Variants in BCL11B observed in about 807,000 individuals in gnomAD.
BCL11B encodes BCL11 transcription factor B.
In BCL11B, 8 loss-of-function variants were observed where a neutral mutation model predicts 49.9. That is an observed-to-expected ratio of 0.16 (90% CI 0.09 to 0.29). The LOEUF is 0.29. Ranked by LOEUF, BCL11B falls within the 10% of genes least tolerant of loss-of-function variation. BCL11B has a pLI of 1.00. For synonymous variants in BCL11B, 739 were observed against 637.4 expected, an observed-to-expected ratio of 1.16 and a Z score of -2.40; for missense variants, 1,006 against 1,351.0, an observed-to-expected ratio of 0.74 and a Z score of 4.00.
In BCL11B at chr14:99,191,955, G is replaced by A. The variant is rs568997049; in HGVS notation, c.641-15760C>T. On this transcript the variant is annotated intron_variant, in intron 3 of 3. Transcript: ENST00000357195. ...ACACTTATGTGGGGTGACGGGGGGA[G>A]GAGGATGACCACGCAAGCTTAAGTG... Among the ~76,000 whole-genome samples the A allele has an allele frequency of 1.3e-5, 2 of 152,180 alleles. 1 individual carries two copies. Among genetic ancestry groups the A allele is most frequent in the South Asian group, 4.1e-4 (2 of 4,832 alleles).
In BCL11B at chr14:99,257,018, C is replaced by T. The variant is rs1415743411; in HGVS notation, c.427+453G>A. Among the ~76,000 whole-genome samples the T allele has an allele frequency of 2.0e-5, 3 of 152,190 alleles. No individual in the cohort carries two copies. Among genetic ancestry groups the T allele is most frequent in the African/African-American group, 7.2e-5 (3 of 41,452 alleles). ...GTCATGCCGCATGCAACAGCTCATT[C>T]GTCCTCACAGCAACCCTAATGAGGT... On this transcript the variant is annotated intron_variant, in intron 2 of 3. Coordinates refer to ENST00000357195, the MANE Select transcript of BCL11B (RefSeq NM_138576.4). This position sits in a 1 kb window ranked among gnomAD's most constrained non-coding sequence, Gnocchi z 6.2.
At chr14:99,225,058 C>T (rs566531892) in intron 3 of BCL11B, among the ~76,000 whole-genome samples, 2 of 152,320 alleles carry the variant, frequency 1.3e-5, no homozygotes, top group African/African-American at 4.8e-5. Flanking sequence ...AACATCAGAG[C>T]TCTACCTGCT....
intron 2 of BCL11B, among the ~76,000 whole-genome samples, chr14:99,250,274 A>AT (rs1226026208): frequency 6.6e-6 from 1 of 151,588 alleles, no homozygotes; most frequent in African/African-American, 2.4e-5. Flanking sequence ...TGACCTCATG[A>AT]TCCCCCCGCC....
chr14:99,262,112 G>A lies in BCL11B; in HGVS notation c.59-4273C>T, dbSNP rs116095402. 2.0e-3 allele frequency among the ~76,000 whole-genome samples: 304 copies of A among 152,278 alleles called. 1 individual carries two copies. Among genetic ancestry groups the A allele is most frequent in the African/African-American group, 7.0e-3 (290 of 41,550 alleles). ...CAGAAGAAAGAAATGGAAAGACATC[G>A]TTAACACAGGCCCAGCCAAGCAGCC... is the stretch of plus-strand genomic sequence containing the variant. On this transcript the variant is annotated intron_variant, in intron 1 of 3. Transcript: ENST00000357195. This position sits in a 1 kb window ranked among gnomAD's most constrained non-coding sequence, Gnocchi z 4.2.
chr14:99,257,790 C>T lies in BCL11B; in HGVS notation c.108G>A (p.Leu36=). 1.3e-6 allele frequency: 2 copies of T among 1,577,554 alleles called. No individual in the cohort carries two copies. The highest frequency in any genetic ancestry group is 1.7e-6 in the Non-Finnish European group (2 of 1,159,504). Residue 36 remains leucine (L), a synonymous_variant, in exon 2 of 4, where the codon CTG becomes CTA. Coordinates refer to ENST00000357195, the MANE Select transcript of BCL11B (RefSeq NM_138576.4). This position sits in a 1 kb window ranked among gnomAD's most constrained non-coding sequence, Gnocchi z 6.2. The part of the protein sequence containing the change: ...EAAILEEDEG[L]EIEEPSGLGL... ...CCAGGCCACTTGGCTCCTCTATCTC[C>T]AGACCCTCGTCTTCTTCGAGGATGG... is the stretch of plus-strand genomic sequence containing the variant.
Position 99,205,461 on chromosome 14 carries a change from G to A in BCL11B, c.640+25884C>T, listed in dbSNP as rs1184229615. Reference sequence around the variant, plus strand: ...ACTTCTACAATGACTGGTTAAATGCGCCCAAGGACCAGGCGCTCGCTACAC... The same window carrying A: ...ACTTCTACAATGACTGGTTAAATGCACCCAAGGACCAGGCGCTCGCTACAC... On this transcript the variant is annotated intron_variant, in intron 3 of 3. Transcript: ENST00000357195. The surrounding 1 kb of genome is among the most constrained non-coding windows in gnomAD (Gnocchi z 5.0). Among the ~76,000 whole-genome samples, 5 of 152,130 alleles carry A rather than the reference G, an allele frequency of 3.3e-5. No individual in the cohort carries two copies. The highest frequency in any genetic ancestry group is 1.3e-4 in the Admixed American group (2 of 15,280).
chr14:99,246,069 G>A (rs111362020), intron 2 of BCL11B, among the ~76,000 whole-genome samples: 5,951 of 147,594 alleles, frequency 0.04, 177 homozygotes, highest in Middle Eastern at 0.11. Context: ...CATGCCCCCC[G>A]CCCCCCAAAG....
chr14:99,200,855 G>A (rs1454586189), intron 3 of BCL11B, among the ~76,000 whole-genome samples: 2 of 152,200 alleles, frequency 1.3e-5, no homozygotes, highest in Non-Finnish European at 2.9e-5. Context: ...GCCTGGCACA[G>A]AGCAGCCCCT....
intron 3 of BCL11B, among the ~76,000 whole-genome samples, chr14:99,219,672 A>T (rs1056523443): frequency 1.3e-5 from 2 of 152,132 alleles, no homozygotes; most frequent in Non-Finnish European, 2.9e-5. Context: ...TCCTTCTGCT[A>T]AGTCACACTC....
intron 1 of BCL11B, among the ~76,000 whole-genome samples, chr14:99,269,658 ATATT>A (rs562739993): frequency 2.0e-5 from 3 of 151,230 alleles, no homozygotes; most frequent in Non-Finnish European, 4.4e-5. Context: ...ACCACTTTAT[ATATT>A]TATTTATTTA....
chr14:99,214,955 G>A (rs1887790353), intron 3 of BCL11B, among the ~76,000 whole-genome samples: 1 of 152,134 alleles, frequency 6.6e-6, no homozygotes, highest in Admixed American at 6.5e-5. Context: ...GCATGCAGGG[G>A]TGGGGGATGC....
At chr14:99,261,929 C>T (rs1310069787) in intron 1 of BCL11B, among the ~76,000 whole-genome samples, 1 of 151,986 alleles carries the variant, frequency 6.6e-6, no homozygotes, top group East Asian at 1.9e-4. Context: ...TACAACAAAA[C>T]CACATTTTAT....
intron 2 of BCL11B, among the ~76,000 whole-genome samples, chr14:99,254,774 G>A (rs942054965): frequency 1.3e-5 from 2 of 152,234 alleles, no homozygotes; most frequent in Non-Finnish European, 1.5e-5. Context: ...ACGGGTTTCC[G>A]GAAGCCTGGG....
intron 1 of BCL11B, among the ~76,000 whole-genome samples, chr14:99,264,924 G>A (rs900573378): frequency 2.0e-5 from 3 of 152,138 alleles, no homozygotes; most frequent in African/African-American, 7.2e-5. Flanking sequence ...CTTGGGGAGG[G>A]ATGGAGCAAG....
rs72252736 is a variant in BCL11B, at chr14:99,241,018, A to AT, written c.428-9462dup. The stretch of plus-strand genomic sequence containing the variant: ...GCACGCTGACTTTGATTTTGTTGTA[A>AT]TTTTTTTTTTTCCTCAGCTGTCTTT... On this transcript the variant is annotated intron_variant, in intron 2 of 3. Transcript: ENST00000357195. The surrounding 1 kb of genome is among the most constrained non-coding windows in gnomAD (Gnocchi z 4.4). Among the ~76,000 whole-genome samples, 333 of 148,594 alleles carry AT rather than the reference A, an allele frequency of 2.2e-3. 2 individuals carry two copies. The highest frequency in any genetic ancestry group is 7.3e-3 in the African/African-American group (295 of 40,444).
At chr14:99,245,854 G>A (rs1338128261) in intron 2 of BCL11B, among the ~76,000 whole-genome samples, 2 of 152,088 alleles carry the variant, frequency 1.3e-5, no homozygotes, top group African/African-American at 4.8e-5. Context: ...TTGGGTCTCC[G>A]CCTCCATCCA....
At chr14:99,225,989 C>T (rs1446015644) in intron 3 of BCL11B, among the ~76,000 whole-genome samples, 5 of 152,216 alleles carry the variant, frequency 3.3e-5, no homozygotes, top group African/African-American at 7.2e-5. Flanking sequence ...TCAAGGCAGT[C>T]GGGCATGGAC....
At chr14:99,271,072 A>T in intron 1 of BCL11B, 89 bp downstream of exon 1, 1 of 1,363,032 alleles carries the variant, frequency 7.3e-7, no homozygotes, top group Non-Finnish European at 9.6e-7. Context: ...GCGCCTGGCC[A>T]GGCTCGGCTG....
rs935730457 is a variant in BCL11B at position 99,171,780 on chromosome 14, T to A, written c.*2371A>T. ...GAAAAAAATTTACTAAAACTCCGAC[T>A]TTACAGTTACTGTAACAAGAACAAA... On this transcript the variant is annotated 3_prime_UTR_variant, in exon 4 of 4. Transcript: ENST00000357195. 4.8e-6 allele frequency: 1 copy of A among 210,502 alleles called. No individual in the cohort carries two copies. The highest frequency in any genetic ancestry group is 9.6e-6 in the Non-Finnish European group (1 of 103,648). The allele number at this position is 210,502 out of a possible 1,614,324, so 13.0% of individuals were successfully genotyped here.
Sources: allele counts gnomAD v4.1 joint callset (sites outside exome capture counted in the v4.1 genomes callset), GRCh38; gene constraint gnomAD v4.1.1; non-coding constraint Gnocchi (gnomAD v3.1); transcripts MANE v1.5; gene names NCBI Gene and HGNC (gene_info 2026-07-23, HGNC 2026-07-21).